The following MAP10 variants were observed in gnomAD, a reference collection of about 807,000 sequenced individuals.
MAP10 encodes the protein microtubule associated protein 10.
A neutral mutation model predicts 6.3 loss-of-function variants in MAP10; 10 were observed. That is an observed-to-expected ratio of 1.58 (90% CI 0.98 to 2.69). MAP10 has a LOEUF of 2.69. Among genes scored for constraint, MAP10 ranks in the 30% most tolerant of loss-of-function variants. The pLI is 0.00. For synonymous variants in MAP10, 459 were observed against 429.3 expected (o/e 1.07, Z -0.86); for missense variants, 1,189 against 1,086.5 (o/e 1.09, Z -1.33).
In MAP10 at chr1:232,806,282, A is replaced by G. The variant is rs61739198; in HGVS notation, c.833A>G (p.Asn278Ser). 16,774 of 1,613,928 alleles carry G rather than the reference A, an allele frequency of 0.01. 1,038 individuals carry two copies. In the African/African-American group the frequency reaches 0.16, roughly 15 times the overall value. ...GTTGTTACATGTTCAGGTGCTGGCAATGGGAGAAATGTTAGCTCCCTAAAT... is the reference window on the plus strand; with the variant it reads ...GTTGTTACATGTTCAGGTGCTGGCAGTGGGAGAAATGTTAGCTCCCTAAAT... ...NSVVTCSGAG[N>S]GRNVSSLNEE... Residue 278 changes from asparagine (N) to serine (S), a missense_variant, in exon 1 of 1, where the codon AAT (asparagine) becomes AGT (serine). By Grantham distance (46) the Asn-to-Ser change is conservative. Coordinates refer to ENST00000418460, the MANE Select transcript of MAP10 (RefSeq NM_019090.3).
rs973365783 is a variant in MAP10 at position 232,807,491 on chromosome 1, T to C, written c.2042T>C (p.Ile681Thr). The part of the protein sequence containing the change: ...TTDNDILMAD[I>T]SDKRTGKNSC... The stretch of plus-strand genomic sequence containing the variant: ...GATAATGACATTCTTATGGCTGATA[T>C]AAGTGACAAGAGAACAGGTAAAAAT... Residue 681 changes from isoleucine to threonine, a missense_variant, in exon 1 of 1, where the codon ATA becomes ACA. Physicochemically the swap from Ile to Thr is moderately conservative, Grantham distance 89 (BLOSUM62 -1). Coordinates refer to ENST00000418460, the MANE Select transcript of MAP10 (RefSeq NM_019090.3). 14 of 1,613,680 alleles carry C rather than the reference T, an allele frequency of 8.7e-6. No individual in the cohort carries two copies. The East Asian group carries it at 8.9e-5, about 10-fold the overall frequency.
Position 232,808,208 on chromosome 1 carries a change from C to G in MAP10, c.*41C>G, listed in dbSNP as rs1666141947. Reference sequence around the variant, plus strand: ...AAAAACTTTCAAGGACCTATGTGTACTGTTAGTGAAAAAAATTTTAAAGCT... The same window carrying G: ...AAAAACTTTCAAGGACCTATGTGTAGTGTTAGTGAAAAAAATTTTAAAGCT... On this transcript the variant is annotated 3_prime_UTR_variant, in exon 1 of 1. Transcript: ENST00000418460. 7.5e-7 allele frequency: 1 copy of G among 1,326,796 alleles called. No homozygotes were observed. Among genetic ancestry groups the G allele is most frequent in the South Asian group, 2.2e-5 (1 of 46,110 alleles). 82.2% of individuals were successfully genotyped at this position (1,326,796 alleles called of 1,614,324 possible). A position where few individuals can be genotyped will look rare whatever the true frequency, so the allele number is the denominator to read the frequency against.
At position 232,805,986 on chromosome 1, in the gene MAP10, C is replaced by T. The variant is rs1300361515; in HGVS notation, c.537C>T (p.Tyr179=). ...GGACTGGGGACATTGCACTGGCCTA[C>T]CGCCTGACTGACCTGGGAAGCCGCC... ...GERTGDIALA[Y]RLTDLGSRLL... Residue 179 remains tyrosine (Y), a synonymous_variant, in exon 1 of 1, where the codon TAC becomes TAT. Transcript: ENST00000418460. The T allele has an allele frequency of 7.4e-6, 12 of 1,613,646 alleles. No homozygotes were observed. The highest frequency in any genetic ancestry group is 2.2e-5 in the East Asian group (1 of 44,860).
rs377104045 is a variant in MAP10, at chr1:232,805,743, C to T, written c.294C>T (p.Arg98=). The change falls in exon 1 of 1, where the codon CGC becomes CGT. Residue 98 remains arginine, a synonymous_variant. Coordinates refer to ENST00000418460, the MANE Select transcript of MAP10 (RefSeq NM_019090.3). ...GTCGCGGCAAGTCCTGCCTCTTCCG[C>T]CTGCAGCCTGCTACCCTGCACTGCC... is the stretch of plus-strand genomic sequence containing the variant. The part of the protein sequence containing the change: ...RFGRGKSCLF[R]LQPATLHCRL... 421 of 1,604,802 alleles carry T rather than the reference C, an allele frequency of 2.6e-4. No homozygotes were observed. The highest frequency in any genetic ancestry group is 3.5e-4 in the Non-Finnish European group (407 of 1,179,078).
rs780190597 is a variant in MAP10, at chr1:232,806,513, C to T, written c.1064C>T (p.Pro355Leu). ...GCACACAGGAGTTGTCTAAAGCATCCAAGTTCTGCAGCACACGAACATCCT... is the reference window on the plus strand; with the variant it reads ...GCACACAGGAGTTGTCTAAAGCATCTAAGTTCTGCAGCACACGAACATCCT... ...PPAHRSCLKH[P>L]SSAAHEHPPM... The change falls in exon 1 of 1, where the codon CCA (proline) becomes CTA (leucine). Residue 355 changes from proline (P) to leucine (L), a missense_variant. Physicochemically the swap from Pro to Leu is moderately conservative, Grantham distance 98. Transcript: ENST00000418460. The T allele has an allele frequency of 1.2e-5, 20 of 1,613,736 alleles. No homozygotes were observed. In the South Asian group the frequency reaches 2.0e-4, roughly 16 times the overall value.
rs765980497 is a variant in MAP10 at position 232,806,394 on chromosome 1, C to G, written c.945C>G (p.Pro315=). The G allele has an allele frequency of 8.7e-6, 14 of 1,613,824 alleles. No homozygotes were observed. Among genetic ancestry groups the G allele is most frequent in the Non-Finnish European group, 9.3e-6 (11 of 1,179,876 alleles). ...YYTNLTQEKP[P]PAQAKITIEP... ...CTAACTTGACCCAAGAAAAACCGCC[C>G]CCTGCACAGGCTAAAATCACCATTG... Residue 315 remains proline, a synonymous_variant, in exon 1 of 1, where the codon CCC becomes CCG. Coordinates refer to ENST00000418460, the MANE Select transcript of MAP10 (RefSeq NM_019090.3).
rs1285749951 is a variant in MAP10 at position 232,807,402 on chromosome 1, A to G, written c.1953A>G (p.Gln651=). ...AAATCCAAAGTCCATGTGTTTTCCAACAGGATGCTGTTGTTGACAGAATTG... is the reference window on the plus strand; with the variant it reads ...AAATCCAAAGTCCATGTGTTTTCCAGCAGGATGCTGTTGTTGACAGAATTG... ...EMKIQSPCVF[Q]QDAVVDRIVD... The change falls in exon 1 of 1, where the codon CAA becomes CAG. Residue 651 remains glutamine, a synonymous_variant. Transcript: ENST00000418460. The G allele has an allele frequency of 1.9e-6, 3 of 1,613,904 alleles. No homozygotes were observed. Among genetic ancestry groups the G allele is most frequent in the Admixed American group, 3.3e-5 (2 of 60,028 alleles).
Position 232,805,896 on chromosome 1 carries a change from G to A in MAP10, c.447G>A (p.Pro149=). 6.2e-7 allele frequency: 1 copy of A among 1,603,734 alleles called. No homozygotes were observed. Among genetic ancestry groups the A allele is most frequent in the Non-Finnish European group, 8.5e-7 (1 of 1,175,640 alleles). The change falls in exon 1 of 1, where the codon CCG becomes CCA. Residue 149 remains proline, a synonymous_variant. Coordinates refer to ENST00000418460, the MANE Select transcript of MAP10 (RefSeq NM_019090.3). ...CCGCAGCGCACAGGGTCGTGGGGCC[G>A]GCCGCCTCCGGATGCTCCCACCGTC... The part of the protein sequence containing the change: ...LATAAHRVVG[P]AASGCSHRHR...
In MAP10 at chr1:232,808,138, A is replaced by G; in HGVS notation, c.2689A>G (p.Ile897Val). 1 of 1,581,084 alleles carries G rather than the reference A, an allele frequency of 6.3e-7. No homozygotes were observed. The highest frequency in any genetic ancestry group is 8.6e-7 in the Non-Finnish European group (1 of 1,157,926). Residue 897 changes from isoleucine to valine, a missense_variant, in exon 1 of 1, where the codon ATA (isoleucine) becomes GTA (valine). Physicochemically the swap from Ile to Val is conservative, Grantham distance 29 (BLOSUM62 3). Coordinates refer to ENST00000418460, the MANE Select transcript of MAP10 (RefSeq NM_019090.3). ...ATGCAAAGATATTTGTGAATTAGTA[A>G]TAAATAAACTTCCAGGATACACAAT... ...KQCKDICELV[I>V]NKLPGYTM
rs987778423 is a variant in MAP10, at chr1:232,807,902, A to G, written c.2453A>G (p.His818Arg). 5.6e-6 allele frequency: 9 copies of G among 1,613,738 alleles called. No homozygotes were observed. In the African/African-American group the frequency reaches 1.2e-4, roughly 22 times the overall value. ...KENQIDQNSM[H>R]NSEITKRAQD... ...AACCAGATAGATCAAAATAGTATGC[A>G]CAATTCTGAAATTACAAAGAGAGCT... Residue 818 changes from histidine (H) to arginine (R), a missense_variant, in exon 1 of 1, where the codon CAC becomes CGC. Physicochemically the swap from His to Arg is conservative, Grantham distance 29 (BLOSUM62 0). Transcript: ENST00000418460.
rs1327910709 is a variant in MAP10, at chr1:232,806,847, A to G, written c.1398A>G (p.Lys466=). ...AAAAGTCAGTGAGTCTTCAGTATAA[A>G]AAGAACCAAATTGAAAACTATAAGG... ...GCEKSVSLQY[K]KNQIENYKED... Residue 466 remains lysine (K), a synonymous_variant, in exon 1 of 1, where the codon AAA becomes AAG. Coordinates refer to ENST00000418460, the MANE Select transcript of MAP10 (RefSeq NM_019090.3). 1 of 1,612,858 alleles carries G rather than the reference A, an allele frequency of 6.2e-7. No homozygotes were observed. Among genetic ancestry groups the G allele is most frequent in the Non-Finnish European group, 8.5e-7 (1 of 1,179,600 alleles).
chr1:232,805,478 T>A lies in MAP10; in HGVS notation c.29T>A (p.Phe10Tyr). The part of the protein sequence containing the change: MAASLSERL[F>Y]SLELLVDWVR... Reference sequence around the variant, plus strand: ...GCGGCCTCGCTGTCCGAGCGGCTCTTCTCGCTGGAGCTGCTGGTGGACTGG... The same window carrying A: ...GCGGCCTCGCTGTCCGAGCGGCTCTACTCGCTGGAGCTGCTGGTGGACTGG... Residue 10 changes from phenylalanine to tyrosine, a missense_variant, in exon 1 of 1, where the codon TTC becomes TAC. Transcript: ENST00000418460. 1 of 1,593,618 alleles carries A rather than the reference T, an allele frequency of 6.3e-7. No individual in the cohort carries two copies. Among genetic ancestry groups the A allele is most frequent in the Non-Finnish European group, 8.5e-7 (1 of 1,169,628 alleles).
Position 232,806,226 on chromosome 1 carries a change from G to A in MAP10, c.777G>A (p.Val259=), listed in dbSNP as rs1213018040. The change falls in exon 1 of 1, where the codon GTG becomes GTA. Residue 259 remains valine, a synonymous_variant. Coordinates refer to ENST00000418460, the MANE Select transcript of MAP10 (RefSeq NM_019090.3). The stretch of plus-strand genomic sequence containing the variant: ...AAAGTAAGGCCGAATGTGATAATGT[G>A]GGTTCTGTGGAGAATGGCAAAACCA... ...MVKSKAECDN[V]GSVENGKTNS... 6.8e-6 allele frequency: 11 copies of A among 1,613,876 alleles called. No homozygotes were observed. The highest frequency in any genetic ancestry group is 7.6e-6 in the Non-Finnish European group (9 of 1,179,896).
chr1:232,808,184 A>G lies in MAP10; in HGVS notation c.*17A>G. The G allele has an allele frequency of 1.3e-6, 2 of 1,505,614 alleles. No individual in the cohort carries two copies. The highest frequency in any genetic ancestry group is 1.8e-6 in the Non-Finnish European group (2 of 1,122,540). 93.3% of individuals were successfully genotyped at this position (1,505,614 alleles called of 1,614,324 possible). ...ACAATGTAAAAATACATGCTTTTAA[A>G]AAACTTTCAAGGACCTATGTGTACT... On this transcript the variant is annotated 3_prime_UTR_variant, in exon 1 of 1. Transcript: ENST00000418460.
chr1:232,807,431 A>G lies in MAP10; in HGVS notation c.1982A>G (p.Asp661Gly), dbSNP rs1470838962. Reference protein sequence around the residue: ...QQDAVVDRIVDKEIDIRQVKT... With the variant: ...QQDAVVDRIVGKEIDIRQVKT... ...GATGCTGTTGTTGACAGAATTGTAG[A>G]TAAGGAAATAGATATTAGACAGGTC... Residue 661 changes from aspartate (D) to glycine (G), a missense_variant, in exon 1 of 1, where the codon GAT becomes GGT. By Grantham distance (94) the Asp-to-Gly change is moderately conservative. Transcript: ENST00000418460. 3 of 1,613,824 alleles carry G rather than the reference A, an allele frequency of 1.9e-6. No individual in the cohort carries two copies. The highest frequency in any genetic ancestry group is 2.2e-5 in the East Asian group (1 of 44,870).
At position 232,808,221 on chromosome 1, in the gene MAP10, A is replaced by C; in HGVS notation, c.*54A>C. On this transcript the variant is annotated 3_prime_UTR_variant, in exon 1 of 1. Coordinates refer to ENST00000418460, the MANE Select transcript of MAP10 (RefSeq NM_019090.3). The stretch of plus-strand genomic sequence containing the variant: ...GACCTATGTGTACTGTTAGTGAAAA[A>C]AATTTTAAAGCTGTTTTAGTTCATG... 1.7e-6 allele frequency: 2 copies of C among 1,195,846 alleles called. No individual in the cohort carries two copies. The highest frequency in any genetic ancestry group is 2.2e-6 in the Non-Finnish European group (2 of 901,088). The allele number at this position is 1,195,846 out of a possible 1,614,324, so 74.1% of individuals were successfully genotyped here.
rs1290370173 is a variant in MAP10, at chr1:232,806,841, G to C, written c.1392G>C (p.Gln464His). 1 of 1,613,094 alleles carries C rather than the reference G, an allele frequency of 6.2e-7. No individual in the cohort carries two copies. The highest frequency in any genetic ancestry group is 8.5e-7 in the Non-Finnish European group (1 of 1,179,612). ...GATGTGAAAAGTCAGTGAGTCTTCA[G>C]TATAAAAAGAACCAAATTGAAAACT... is the stretch of plus-strand genomic sequence containing the variant. The part of the protein sequence containing the change: ...VGGCEKSVSL[Q>H]YKKNQIENYK... Residue 464 changes from glutamine to histidine, a missense_variant, in exon 1 of 1, where the codon CAG becomes CAC. Gln to His is a conservative substitution (Grantham distance 24, BLOSUM62 0). Coordinates refer to ENST00000418460, the MANE Select transcript of MAP10 (RefSeq NM_019090.3).
Position 232,806,446 on chromosome 1 carries a change from A to G in MAP10, c.997A>G (p.Met333Val), listed in dbSNP as rs1222502318. ...IEPQMNAPEEMDDASPEKKRV... is the reference protein window; with the variant it reads ...IEPQMNAPEEVDDASPEKKRV... ...GCCTCAAATGAATGCACCTGAGGAA[A>G]TGGATGATGCTTCTCCTGAAAAAAA... Residue 333 changes from methionine (M) to valine (V), a missense_variant, in exon 1 of 1, where the codon ATG (methionine) becomes GTG (valine). Physicochemically the swap from Met to Val is conservative, Grantham distance 21 (BLOSUM62 1). Coordinates refer to ENST00000418460, the MANE Select transcript of MAP10 (RefSeq NM_019090.3). 1.2e-6 allele frequency: 2 copies of G among 1,613,910 alleles called. No individual in the cohort carries two copies. The highest frequency in any genetic ancestry group is 2.7e-5 in the African/African-American group (2 of 75,026).
At position 232,806,649 on chromosome 1, in the gene MAP10, T is replaced by C. The variant is rs77064011; in HGVS notation, c.1200T>C (p.Ala400=). 1.7e-4 allele frequency: 282 copies of C among 1,613,990 alleles called. No homozygotes were observed. Among genetic ancestry groups the C allele is most frequent in the Non-Finnish European group, 2.3e-4 (268 of 1,179,896 alleles). Residue 400 remains alanine (A), a synonymous_variant, in exon 1 of 1, where the codon GCT becomes GCC. Coordinates refer to ENST00000418460, the MANE Select transcript of MAP10 (RefSeq NM_019090.3). ...TAAGGCAGTTGCCTTTGTTAAATGC[T>C]TTGTTAGTTGAGTTGTCCTTGTTAT... is the stretch of plus-strand genomic sequence containing the variant. ...NTIRQLPLLN[A]LLVELSLLYD... is the part of the protein sequence containing the mutation.
Sources: gnomAD v4.1 joint callset for allele counts on GRCh38, gnomAD v4.1.1 for gene constraint, MANE v1.5 for transcripts, NCBI Gene and HGNC (gene_info 2026-07-23, HGNC 2026-07-21) for gene names.